The following YES1 variants were observed in gnomAD, a reference collection of about 807,000 sequenced individuals.
YES1 encodes YES proto-oncogene 1, Src family tyrosine kinase, also known as tyrosine-protein kinase Yes.
Under a neutral mutation model 70.4 loss-of-function variants are expected in YES1, and 39 were observed. The ratio of observed to expected loss-of-function variants is 0.55; its 90% confidence interval spans 0.43 to 0.72. The LOEUF is 0.72. YES1 is among the 30% of genes least tolerant of loss of function. The pLI is 0.00. For missense variants in YES1, 495 were observed against 644.8 expected (o/e 0.77, Z 2.52); for synonymous variants, 198 against 218.6 (o/e 0.91, Z 0.83).
chr18:773,976 C>T (rs1199820028), intron 1 of YES1, among the ~76,000 whole-genome samples: 2 of 152,008 alleles, frequency 1.3e-5, no homozygotes, highest in African/African-American at 2.4e-5. Flanking sequence ...GAATTACATG[C>T]GCCCACCATC....
At chr18:741,104 G>C (rs1411475932) in intron 8 of YES1, among the ~76,000 whole-genome samples, 1 of 151,978 alleles carries the variant, frequency 6.6e-6, no homozygotes, top group African/African-American at 2.4e-5. Flanking sequence ...CGCTATGTTG[G>C]CCAGGCTGGG....
At chr18:801,855 C>G (rs187525910) in intron 1 of YES1, among the ~76,000 whole-genome samples, 4 of 152,202 alleles carry the variant, frequency 2.6e-5, no homozygotes, top group African/African-American at 4.8e-5. Context: ...AAAAAAGAAA[C>G]TTGATTGGGA....
chr18:791,293 G>A (rs2145816901), intron 1 of YES1, among the ~76,000 whole-genome samples: 1 of 151,624 alleles, frequency 6.6e-6, no homozygotes, highest in Non-Finnish European at 1.5e-5. Flanking sequence ...AGAAAGTAGA[G>A]ATGCAACAGT....
At chr18:741,238 TCTC>T (rs1416990219) in intron 8 of YES1, among the ~76,000 whole-genome samples, 3 of 151,130 alleles carry the variant, frequency 2.0e-5, no homozygotes, top group African/African-American at 4.9e-5. Flanking sequence ...CCTGTCCTTT[TCTC>T]CTTTTTTTTT....
At chr18:806,643 A>C (rs1907113590) in intron 1 of YES1, among the ~76,000 whole-genome samples, 1 of 152,196 alleles carries the variant, frequency 6.6e-6, no homozygotes, top group African/African-American at 2.4e-5. Flanking sequence ...GACACAGTGA[A>C]TACTAGGTCA....
intron 1 of YES1, among the ~76,000 whole-genome samples, chr18:765,284 A>ATATATATATC (rs1568204806): frequency 3.2e-5 from 4 of 126,428 alleles, no homozygotes; most frequent in African/African-American, 1.2e-4. Flanking sequence ...ATATATATAT[A>ATATATATATC]TATATATATC....
intron 1 of YES1, among the ~76,000 whole-genome samples, chr18:781,063 T>G (rs990538232): frequency 6.6e-6 from 1 of 151,530 alleles, no homozygotes; most frequent in Non-Finnish European, 1.5e-5. Context: ...AGGTCAGGAG[T>G]TTGAAACCAG....
At chr18:784,079 A>C (rs1905815319) in intron 1 of YES1, among the ~76,000 whole-genome samples, 1 of 152,228 alleles carries the variant, frequency 6.6e-6, no homozygotes, top group Non-Finnish European at 1.5e-5. Context: ...TCATTTTAAC[A>C]CACATGTTGT....
intron 11 of YES1, among the ~76,000 whole-genome samples, chr18:725,621 G>GCT (rs915301176): frequency 6.6e-6 from 1 of 152,174 alleles, no homozygotes. Flanking sequence ...GGGCACAGTG[G>GCT]CTCTCGTCTG....
chr18:727,680 G>A (rs901020214), intron 11 of YES1, among the ~76,000 whole-genome samples: 1 of 152,068 alleles, frequency 6.6e-6, no homozygotes, highest in African/African-American at 2.4e-5. Context: ...ACTTTTACCT[G>A]TTCCAAACTT....
At position 736,818 on chromosome 18, in the gene YES1, T is replaced by G. The variant is rs1394998577; in HGVS notation, c.1281A>C (p.Thr427=). 6.2e-7 allele frequency: 1 copy of G among 1,611,108 alleles called. No individual in the cohort carries two copies. The highest frequency in any genetic ancestry group is 8.5e-7 in the Non-Finnish European group (1 of 1,179,744). ...TAAAAGTAATTTTACCTTGTCTTGC[T>G]GTGTATTCATTGTCTTCAATTAACC... is the stretch of plus-strand genomic sequence containing the variant. ...LARLIEDNEY[T]ARQGAKFPIK... is the part of the protein sequence containing the mutation. The change falls in exon 10 of 12, where the codon ACA becomes ACC. Residue 427 remains threonine (T), a synonymous_variant. Coordinates refer to ENST00000314574, the MANE Select transcript of YES1 (RefSeq NM_005433.4).
chr18:764,070 A>G (rs1904739203), intron 1 of YES1, among the ~76,000 whole-genome samples: 1 of 150,620 alleles, frequency 6.6e-6, no homozygotes, highest in Non-Finnish European at 1.5e-5. Context: ...CAGTGAGCCG[A>G]GATCACACCA....
At chr18:811,401 C>G (rs1198369778) in intron 1 of YES1, among the ~76,000 whole-genome samples, 1 of 152,148 alleles carries the variant, frequency 6.6e-6, no homozygotes, top group African/African-American at 2.4e-5. Flanking sequence ...CTTCTTAAAA[C>G]AGCTCTGCCC....
intron 1 of YES1, among the ~76,000 whole-genome samples, chr18:795,824 G>A (rs1346386133): frequency 6.6e-6 from 1 of 151,802 alleles, no homozygotes; most frequent in African/African-American, 2.4e-5. Flanking sequence ...AAGACTAGAT[G>A]ACGGGTTGAT....
chr18:805,499 T>G (rs1421985379), intron 1 of YES1, among the ~76,000 whole-genome samples: 1 of 152,212 alleles, frequency 6.6e-6, no homozygotes, highest in African/African-American at 2.4e-5. Context: ...TATATAAAGC[T>G]GAGAAACTAT....
intron 2 of YES1, 134 bp downstream of exon 2, chr18:756,423 G>T: frequency 8.3e-7 from 1 of 1,211,722 alleles, no homozygotes. Context: ...TTATGTTAGA[G>T]ACTGATTTTC....
In YES1 at chr18:736,916, G is replaced by T; in HGVS notation, c.1183C>A (p.Arg395=). Residue 395 remains arginine, a synonymous_variant, in exon 10 of 12, where the codon CGA becomes AGA. Transcript: ENST00000314574. The stretch of plus-strand genomic sequence containing the variant: ...AGAATATTAGCAGCCCGAAGATCTC[G>T]GTGAATATAGTTCATTCTTTCAATA... The part of the protein sequence containing the change: ...AYIERMNYIH[R]DLRAANILVG... The T allele has an allele frequency of 6.2e-7, 1 of 1,611,324 alleles. No homozygotes were observed. Among genetic ancestry groups the T allele is most frequent in the South Asian group, 1.1e-5 (1 of 91,004 alleles).
chr18:722,479 G>C lies in YES1; in HGVS notation c.*1945C>G, dbSNP rs1285213977. On this transcript the variant is annotated 3_prime_UTR_variant, in exon 12 of 12. Transcript: ENST00000314574. Reference sequence around the variant, plus strand: ...AGTTAAGAATTATATCCTGAAAATAGAGGGGCCTAATATAAGGCTTAATTT... The same window carrying C: ...AGTTAAGAATTATATCCTGAAAATACAGGGGCCTAATATAAGGCTTAATTT... 1 of 152,552 alleles carries C rather than the reference G, an allele frequency of 6.6e-6. No homozygotes were observed. The highest frequency in any genetic ancestry group is 2.4e-5 in the African/African-American group (1 of 41,414). 9.4% of individuals were successfully genotyped at this position (152,552 alleles called of 1,614,324 possible). A position where few individuals can be genotyped will look rare whatever the true frequency, so the allele number is the denominator to read the frequency against.
intron 1 of YES1, among the ~76,000 whole-genome samples, chr18:795,221 G>A (rs543121058): frequency 6.6e-6 from 1 of 152,294 alleles, no homozygotes; most frequent in South Asian, 2.1e-4. Flanking sequence ...TACTGCAGTT[G>A]TATAAGAAAA....
Sources: gnomAD v4.1 joint callset for allele counts (sites outside exome capture counted in the v4.1 genomes callset) on GRCh38, gnomAD v4.1.1 for gene constraint, MANE v1.5 for transcripts, NCBI Gene and HGNC (gene_info 2026-07-23, HGNC 2026-07-21) for gene names.